Variants in DDAH1 observed in about 807,000 individuals in gnomAD.
The protein encoded by DDAH1 is N(G),N(G)-dimethylarginine dimethylaminohydrolase 1.
In DDAH1, 19 loss-of-function variants were observed where a neutral mutation model predicts 28.8. The observed-to-expected ratio is 0.66, with a 90% confidence interval of 0.46 to 0.97. The LOEUF (loss-of-function observed/expected upper bound fraction) is 0.97, where lower values mean the gene tolerates loss of function less well. Ranked by LOEUF, DDAH1 falls within the 50% of genes least tolerant of loss-of-function variation. DDAH1 has a pLI of 0.00. For missense variants in DDAH1, 326 were observed against 375.9 expected, an observed-to-expected ratio of 0.87 and a Z score of 1.10; for synonymous variants, 153 against 154.4, an observed-to-expected ratio of 0.99 and a Z score of 0.07.
intron 1 of DDAH1, among the ~76,000 whole-genome samples, chr1:85,533,859 G>C (rs1470726302): frequency 1.3e-5 from 2 of 152,218 alleles, no homozygotes; most frequent in African/African-American, 4.8e-5. Flanking sequence ...TGTCTGGTAA[G>C]TGTTCAATAA....
intron 1 of DDAH1, among the ~76,000 whole-genome samples, chr1:85,427,739 G>C (rs1653478938): frequency 6.6e-6 from 1 of 152,158 alleles, no homozygotes; most frequent in African/African-American, 2.4e-5. Context: ...GAAAGAAAGA[G>C]GGATAGAAAA....
intron 1 of DDAH1, among the ~76,000 whole-genome samples, chr1:85,560,499 G>A (rs374631721): frequency 4.6e-5 from 7 of 151,898 alleles, no homozygotes; most frequent in African/African-American, 9.7e-5. Flanking sequence ...ATAGAAGTAC[G>A]ATATATGATG....
chr1:85,354,862 A>G (rs1354639264), intron 2 of DDAH1, among the ~76,000 whole-genome samples: 1 of 152,110 alleles, frequency 6.6e-6, no homozygotes, highest in African/African-American at 2.4e-5. Flanking sequence ...AATTAATGAG[A>G]TAAAATTCCA....
chr1:85,436,713 G>A (rs769014632), intron 1 of DDAH1, among the ~76,000 whole-genome samples: 17 of 152,156 alleles, frequency 1.1e-4, no homozygotes, highest in Non-Finnish European at 2.1e-4. Flanking sequence ...GGTGTGAAGT[G>A]GGAGAAGAGA....
chr1:85,329,357 CT>C (rs1361772739), intron 4 of DDAH1, among the ~76,000 whole-genome samples: 3 of 152,234 alleles, frequency 2.0e-5, no homozygotes, highest in Non-Finnish European at 4.4e-5. Flanking sequence ...GAACAATCCT[CT>C]CCCCTACTTG....
chr1:85,495,931 C>G (rs796862223), intron 2 of DDAH1: 2 of 152,350 alleles, frequency 1.3e-5, no homozygotes, highest in African/African-American at 4.8e-5. Context: ...AAAACAAGAT[C>G]AGCCTTGGCT....
chr1:85,455,869 A>G (rs1654859702), intron 1 of DDAH1, among the ~76,000 whole-genome samples: 1 of 152,358 alleles, frequency 6.6e-6, no homozygotes, highest in South Asian at 2.1e-4. Context: ...ATTCAACTGC[A>G]TCTCATAATG....
intron 1 of DDAH1, among the ~76,000 whole-genome samples, chr1:85,567,606 G>A (rs1298426943): frequency 3.9e-5 from 6 of 152,116 alleles, no homozygotes; most frequent in South Asian, 2.1e-4. Context: ...TATCAGCAGC[G>A]TGAAAACAGA....
rs1045828852 is a variant in DDAH1 at position 85,519,180 on chromosome 1, A to G, written c.-122-22899T>C. 2.7e-4 allele frequency among the ~76,000 whole-genome samples: 34 copies of G among 127,564 alleles called. 1 individual carries two copies. The highest frequency in any genetic ancestry group is 9.1e-4 in the African/African-American group (30 of 32,870). 83.7% of individuals were successfully genotyped at this position (127,564 alleles called of 152,430 possible). On this transcript the variant is annotated intron_variant, in intron 1 of 6. Coordinates refer to the DDAH1 transcript ENST00000426972. ...ATGATCTTGGCTCACTGCAAGCTCC[A>G]CCTCCCGGGTTCATGCCATTCTCCT...
At chr1:85,466,631 G>A (rs1380310899), upstream of DDAH1, among the ~76,000 whole-genome samples, 13 of 152,034 alleles carry the variant, frequency 8.6e-5, no homozygotes, top group Admixed American at 4.6e-4. Context: ...CTTTAAGACC[G>A]ACTAGGTAGT....
intron 1 of DDAH1, among the ~76,000 whole-genome samples, chr1:85,511,163 C>T (rs61785203): frequency 0.14 from 20,555 of 152,116 alleles, 1,466 homozygotes; most frequent in Non-Finnish European, 0.16. Context: ...TCGGACCACA[C>T]TGCAATCAAA....
At chr1:85,347,091 G>A (rs1190272829) in intron 4 of DDAH1, among the ~76,000 whole-genome samples, 3 of 152,060 alleles carry the variant, frequency 2.0e-5, no homozygotes, top group African/African-American at 7.2e-5. Flanking sequence ...AGTTAGAATG[G>A]CAATCATTAA....
chr1:85,450,506 A>T (rs1343023206), intron 1 of DDAH1, among the ~76,000 whole-genome samples: 1 of 152,218 alleles, frequency 6.6e-6, no homozygotes, highest in Non-Finnish European at 1.5e-5. Context: ...TCAATCCGAT[A>T]TATCATCAAG....
At chr1:85,369,445 T>C (rs966543780) in intron 1 of DDAH1, among the ~76,000 whole-genome samples, 2 of 152,172 alleles carry the variant, frequency 1.3e-5, no homozygotes, top group African/African-American at 4.8e-5. Context: ...GCAAGAGCCA[T>C]ACAACCTCTG....
At chr1:85,445,052 A>G (rs1048305405) in intron 1 of DDAH1, among the ~76,000 whole-genome samples, 8 of 152,130 alleles carry the variant, frequency 5.3e-5, no homozygotes, top group Non-Finnish European at 8.8e-5. Context: ...AGCCTAGGCC[A>G]GTCTCTCTTT....
At chr1:85,328,046 G>C (rs1647519911) in intron 4 of DDAH1, among the ~76,000 whole-genome samples, 1 of 152,112 alleles carries the variant, frequency 6.6e-6, no homozygotes. Flanking sequence ...AGAGAAACAA[G>C]GTATGGTCTA....
At chr1:85,456,264 T>C (rs1468060668) in intron 1 of DDAH1, among the ~76,000 whole-genome samples, 2 of 152,266 alleles carry the variant, frequency 1.3e-5, no homozygotes, top group African/African-American at 4.8e-5. Flanking sequence ...GCACTTGAGA[T>C]TCAATGGTGA....
At chr1:85,434,878 T>A (rs1429327579) in intron 1 of DDAH1, among the ~76,000 whole-genome samples, 1 of 152,014 alleles carries the variant, frequency 6.6e-6, no homozygotes, top group Non-Finnish European at 1.5e-5. Flanking sequence ...ATATTGAAAT[T>A]AATAATTAGT....
intron 1 of DDAH1, among the ~76,000 whole-genome samples, chr1:85,416,671 T>TA (rs1652902484): frequency 6.6e-6 from 1 of 152,172 alleles, no homozygotes; most frequent in African/African-American, 2.4e-5. Context: ...CCTTCTTTTC[T>TA]TTTTTTCTTT....
Sources: gnomAD v4.1 joint callset for allele counts (sites outside exome capture counted in the v4.1 genomes callset) on GRCh38, gnomAD v4.1.1 for gene constraint, MANE v1.5 for transcripts, NCBI Gene and HGNC (gene_info 2026-07-23, HGNC 2026-07-21) for gene names.